Variants in PSPC1 observed in about 807,000 individuals in gnomAD.
The protein encoded by PSPC1 is paraspeckle protein 1.
Under a neutral mutation model 51.6 loss-of-function variants are expected in PSPC1, and 14 were observed. That is an observed-to-expected ratio of 0.27 (90% CI 0.18 to 0.42). The LOEUF is 0.42. Ranked by LOEUF, PSPC1 falls within the 10% of genes least tolerant of loss-of-function variation. The pLI is 1.00. For synonymous variants in PSPC1, 193 were observed against 231.9 expected (o/e 0.83, Z 1.53); for missense variants, 406 against 701.1 (o/e 0.58, Z 4.75).
chr13:19,747,030 C>T (rs1886066743), intron 4 of PSPC1, among the ~76,000 whole-genome samples: 1 of 152,048 alleles, frequency 6.6e-6, no homozygotes, highest in South Asian at 2.1e-4. Context: ...CTCGCTTGAA[C>T]CCAGGAGGTG....
intron 5 of PSPC1, among the ~76,000 whole-genome samples, chr13:19,733,116 A>G (rs957406187): frequency 2.6e-5 from 4 of 152,192 alleles, no homozygotes; most frequent in African/African-American, 9.7e-5. Context: ...ACATATGTAT[A>G]CACAGATATA....
At chr13:19,679,675 T>C (rs1314401956) in intron 6 of PSPC1, among the ~76,000 whole-genome samples, 1 of 152,212 alleles carries the variant, frequency 6.6e-6, no homozygotes, top group East Asian at 1.9e-4. Flanking sequence ...GTACATGGGA[T>C]ATGTGAAATA....
chr13:19,712,383 G>A (rs990923159), intron 6 of PSPC1, among the ~76,000 whole-genome samples: 3 of 151,996 alleles, frequency 2.0e-5, no homozygotes, highest in African/African-American at 7.2e-5. Flanking sequence ...CAGGAAAAAA[G>A]GGCATAAACA....
chr13:19,737,027 G>A (rs1424093571), intron 5 of PSPC1: 1 of 152,082 alleles, frequency 6.6e-6, no homozygotes. Flanking sequence ...GCTATTCACA[G>A]GCGCTATCCC....
intron 5 of PSPC1, among the ~76,000 whole-genome samples, chr13:19,732,426 C>G (rs1375672603): frequency 6.6e-6 from 1 of 152,154 alleles, no homozygotes; most frequent in Non-Finnish European, 1.5e-5. Flanking sequence ...ACCAATACTA[C>G]TTATAAAAAG....
intron 6 of PSPC1, among the ~76,000 whole-genome samples, chr13:19,719,563 T>C (rs969750320): frequency 1.3e-4 from 20 of 152,196 alleles, no homozygotes; most frequent in Non-Finnish European, 2.6e-4. Context: ...CAACGACAAA[T>C]AGAAGTAGGG....
intron 6 of PSPC1, among the ~76,000 whole-genome samples, chr13:19,727,031 G>T (rs1018854037): frequency 1.3e-5 from 2 of 152,202 alleles, no homozygotes; most frequent in African/African-American, 4.8e-5. Context: ...CAGGAAACCT[G>T]AAAAGGGTAT....
Position 19,751,414 on chromosome 13 carries a change from T to C in PSPC1, c.824A>G (p.Tyr275Cys), listed in dbSNP as rs772687889. 2 of 1,585,966 alleles carry C rather than the reference T, an allele frequency of 1.3e-6. No individual in the cohort carries two copies. The highest frequency in any genetic ancestry group is 1.7e-6 in the Non-Finnish European group (2 of 1,170,412). Reference sequence around the variant, plus strand: ...ATCAAGAGCCTTCCATCGAGATGCATACTCAAATTCAAATGTCCCAGGTTG... The same window carrying C: ...ATCAAGAGCCTTCCATCGAGATGCACACTCAAATTCAAATGTCCCAGGTTG... ...FAQPGTFEFE[Y>C]ASRWKALDEM... The change falls in exon 4 of 9, where the codon TAT (tyrosine) becomes TGT (cysteine). Residue 275 changes from tyrosine (Y) to cysteine (C), a missense_variant. Physicochemically the swap from Tyr to Cys is radical, Grantham distance 194 (BLOSUM62 -2). This residue lies in a region of PSPC1 where 180 missense variants were observed against 337.9 expected (regional missense o/e 0.53). Coordinates refer to ENST00000338910, the MANE Select transcript of PSPC1 (RefSeq NM_001354909.2).
At chr13:19,698,753 G>T (rs1423308325), downstream of PSPC1, among the ~76,000 whole-genome samples, 2 of 151,918 alleles carry the variant, frequency 1.3e-5, no homozygotes, top group African/African-American at 4.8e-5. Flanking sequence ...TCGCAGAGGA[G>T]GGAACTGATA....
chr13:19,671,735 C>A, downstream of PSPC1: 2 of 1,083,834 alleles, frequency 1.8e-6, no homozygotes, highest in African/African-American at 1.6e-5. Flanking sequence ...AAAATATTGC[C>A]AAATAATAGA....
intron 6 of PSPC1, among the ~76,000 whole-genome samples, chr13:19,714,517 T>C (rs1003210288): frequency 1.4e-4 from 21 of 151,020 alleles, no homozygotes; most frequent in Non-Finnish European, 1.0e-4. Context: ...TTTTTTCCTT[T>C]GTCAGTCTCA....
At chr13:19,734,143 T>C (rs1884481249) in intron 5 of PSPC1, among the ~76,000 whole-genome samples, 1 of 152,144 alleles carries the variant, frequency 6.6e-6, no homozygotes, top group South Asian at 2.1e-4. Context: ...CTTTCAATTA[T>C]TTCTACTCCA....
At chr13:19,699,719 TC>T (rs1329558800), downstream of PSPC1, among the ~76,000 whole-genome samples, 1 of 151,656 alleles carries the variant, frequency 6.6e-6, no homozygotes, top group African/African-American at 2.4e-5. Flanking sequence ...TAGTTTGCCA[TC>T]CCCCCAAAAA....
intron 6 of PSPC1, among the ~76,000 whole-genome samples, chr13:19,719,631 T>C (rs1272564288): frequency 1.3e-5 from 2 of 152,198 alleles, no homozygotes; most frequent in Non-Finnish European, 2.9e-5. Flanking sequence ...CATTCAACAA[T>C]GTATTTTGAA....
chr13:19,676,127 T>C (rs761276408), intron 7 of PSPC1, among the ~76,000 whole-genome samples: 7 of 152,232 alleles, frequency 4.6e-5, no homozygotes, highest in Non-Finnish European at 1.0e-4. Flanking sequence ...ACAGGCTTGA[T>C]CTATGCCACA....
downstream of PSPC1, among the ~76,000 whole-genome samples, chr13:19,701,125 AG>A (rs1879856858): frequency 1.3e-5 from 2 of 152,080 alleles, no homozygotes; most frequent in Non-Finnish European, 2.9e-5. Flanking sequence ...CCTGGACACT[AG>A]GATGTTCAGG....
At chr13:19,682,677 G>C (rs1263840219) in intron 6 of PSPC1, among the ~76,000 whole-genome samples, 2 of 152,078 alleles carry the variant, frequency 1.3e-5, no homozygotes, top group Non-Finnish European at 1.5e-5. Context: ...AGGATGCGGA[G>C]GAACGGAAAT....
intron 6 of PSPC1, among the ~76,000 whole-genome samples, chr13:19,715,247 A>G (rs1349177590): frequency 6.6e-6 from 1 of 152,226 alleles, no homozygotes; most frequent in Non-Finnish European, 1.5e-5. Context: ...AAAAGGTTTG[A>G]GAAGCAATAT....
chr13:19,683,769 A>G (rs1877546882), intron 6 of PSPC1, among the ~76,000 whole-genome samples: 1 of 152,196 alleles, frequency 6.6e-6, no homozygotes, highest in Admixed American at 6.5e-5. Flanking sequence ...TTAGATAAAT[A>G]TTAAAGAAAT....
Sources: allele counts gnomAD v4.1 joint callset (sites outside exome capture counted in the v4.1 genomes callset), GRCh38; gene constraint gnomAD v4.1.1; regional missense constraint gnomAD v4.1.1; transcripts MANE v1.5; gene names NCBI Gene and HGNC (gene_info 2026-07-23, HGNC 2026-07-21).